Variants in FOCAD observed in about 807,000 individuals in gnomAD.
The protein encoded by FOCAD is KIAA1797.
FOCAD carries 198 observed loss-of-function variants against 225.6 expected under a neutral mutation model. The ratio of observed to expected loss-of-function variants is 0.88; its 90% CI spans 0.78 to 0.99. The LOEUF is 0.99. FOCAD is among the 50% of genes least tolerant of loss of function. FOCAD has a pLI of 0.00. For missense variants in FOCAD, 2,713 were observed against 2,123.6 expected (o/e 1.28, Z -5.46); for synonymous variants, 897 against 755.0 (o/e 1.19, Z -3.08).
rs955644585 is a variant in FOCAD, at chr9:20,764,356, C to T, written c.495-513C>T. 4.6e-5 allele frequency among the ~76,000 whole-genome samples: 7 copies of T among 152,102 alleles called. No homozygotes were observed. The East Asian group carries it at 9.6e-4, about 21-fold the overall frequency. ...GCAACCTCTGCCTCCTGGGTTCAGG[C>T]GATTCTCCTGCCTCAGCCTCCTGAG... On this transcript the variant is annotated intron_variant, in intron 6 of 43. Coordinates refer to ENST00000338382, the MANE Select transcript of FOCAD (RefSeq NM_001375567.1).
At chr9:20,831,908 A>G (rs1272418108) in intron 15 of FOCAD, among the ~76,000 whole-genome samples, 1 of 152,098 alleles carries the variant, frequency 6.6e-6, no homozygotes, top group Non-Finnish European at 1.5e-5. Flanking sequence ...TTCCGTCTGC[A>G]TAGATATACC....
At chr9:20,786,343 A>G (rs2131149545) in intron 10 of FOCAD, among the ~76,000 whole-genome samples, 1 of 152,282 alleles carries the variant, frequency 6.6e-6, no homozygotes, top group East Asian at 1.9e-4. Flanking sequence ...TGCTTCTATC[A>G]TCATCTTCTG....
At chr9:20,676,544 C>G (rs1822243254) in intron 2 of FOCAD, among the ~76,000 whole-genome samples, 1 of 152,182 alleles carries the variant, frequency 6.6e-6, no homozygotes, top group African/African-American at 2.4e-5. Flanking sequence ...AAAACTAATG[C>G]TGTTTCAATC....
intron 4 of FOCAD, among the ~76,000 whole-genome samples, chr9:20,727,057 T>C (rs1033227929): frequency 3.0e-4 from 45 of 152,182 alleles, no homozygotes; most frequent in African/African-American, 1.1e-3. Flanking sequence ...TTATGGCTTA[T>C]TTAACTTTTA....
intron 6 of FOCAD, among the ~76,000 whole-genome samples, chr9:20,762,946 G>A (rs954691942): frequency 4.6e-5 from 7 of 152,106 alleles, no homozygotes; most frequent in Non-Finnish European, 7.3e-5. Context: ...CGTTTCTTCC[G>A]TGAAGCAATT....
chr9:20,980,386 G>A (rs1199504905), intron 37 of FOCAD, among the ~76,000 whole-genome samples: 1 of 152,032 alleles, frequency 6.6e-6, no homozygotes, highest in African/African-American at 2.4e-5. Flanking sequence ...TTTCCAGCCT[G>A]TTGGGTTGGC....
chr9:20,736,342 C>A (rs901591523), intron 4 of FOCAD, among the ~76,000 whole-genome samples: 1 of 152,102 alleles, frequency 6.6e-6, no homozygotes, highest in Admixed American at 6.6e-5. Context: ...TTGACTTTTG[C>A]TTCTCCAGTG....
chr9:20,677,020 G>A (rs1822255397), intron 2 of FOCAD, among the ~76,000 whole-genome samples: 1 of 152,192 alleles, frequency 6.6e-6, no homozygotes, highest in African/African-American at 2.4e-5. Context: ...AAAACAGTAT[G>A]GTACTGGCAT....
Position 20,988,445 on chromosome 9 carries a change from G to A in FOCAD, c.5004+16G>A. ...TCTTGACAAGGTAAAATCTAGAGGAGTAGTTTATAGCTTCCTTAAAATACA... is the reference window on the plus strand; with the variant it reads ...TCTTGACAAGGTAAAATCTAGAGGAATAGTTTATAGCTTCCTTAAAATACA... On this transcript the variant is annotated intron_variant, in intron 41 of 43. Coordinates refer to ENST00000338382, the MANE Select transcript of FOCAD (RefSeq NM_001375567.1). 1 of 1,328,112 alleles carries A rather than the reference G, an allele frequency of 7.5e-7. No homozygotes were observed. Among genetic ancestry groups the A allele is most frequent in the Non-Finnish European group, 1.0e-6 (1 of 954,064 alleles). 82.3% of individuals were successfully genotyped at this position (1,328,112 alleles called of 1,614,324 possible).
intron 22 of FOCAD, among the ~76,000 whole-genome samples, chr9:20,909,267 A>T (rs1053569812): frequency 1.3e-5 from 2 of 152,072 alleles, no homozygotes; most frequent in African/African-American, 4.8e-5. Context: ...TATTAACCCC[A>T]TGTATAATGG....
chr9:20,806,745 G>A (rs1353984645), intron 11 of FOCAD, among the ~76,000 whole-genome samples: 1 of 151,988 alleles, frequency 6.6e-6, no homozygotes, highest in Non-Finnish European at 1.5e-5. Flanking sequence ...TAGCTATTAG[G>A]TTTATTAATA....
intron 2 of FOCAD, among the ~76,000 whole-genome samples, chr9:20,673,499 G>T (rs1563868232): frequency 6.6e-6 from 1 of 151,910 alleles, no homozygotes. Context: ...TTCTCCTGGG[G>T]GTTATGATAT....
At chr9:20,885,821 A>G in intron 21 of FOCAD, among the ~76,000 whole-genome samples, 1 of 152,302 alleles carries the variant, frequency 6.6e-6, no homozygotes, top group East Asian at 1.9e-4. Flanking sequence ...TAAATATTTT[A>G]TCACACTTAC....
chr9:20,688,729 G>A (rs1165623287), intron 1 of FOCAD, among the ~76,000 whole-genome samples: 4 of 152,210 alleles, frequency 2.6e-5, no homozygotes, highest in Admixed American at 2.6e-4. Context: ...GACAGTGGAT[G>A]TCTAGAAGAT....
intron 26 of FOCAD, among the ~76,000 whole-genome samples, chr9:20,927,445 G>T (rs1214647329): frequency 2.6e-5 from 4 of 151,974 alleles, no homozygotes; most frequent in African/African-American, 7.2e-5. Flanking sequence ...TAAAAAGATT[G>T]TGAAGATCAA....
Position 20,866,917 on chromosome 9 carries a change from T to TTTTAAAAAAAAAAGA in FOCAD, c.2107-12_2107-11insTTTAAAAAAAAAAGA. The TTTTAAAAAAAAAAGA allele has an allele frequency of 1.3e-6, 1 of 764,972 alleles. No homozygotes were observed. The highest frequency in any genetic ancestry group is 2.0e-6 in the Non-Finnish European group (1 of 498,468). 47.4% of individuals were successfully genotyped at this position (764,972 alleles called of 1,614,324 possible). On this transcript the variant is annotated splice_polypyrimidine_tract_variant and intron_variant, in intron 17 of 43. Transcript: ENST00000338382. ...TTTTTTTTTTTTTTTTTTTTTTTTT[T>TTTTAAAAAAAAAAGA]ACCCTATCTAGGACCCAATTGTAGC... is the stretch of plus-strand genomic sequence containing the variant.
At chr9:20,906,827 G>T (rs1305125209) in intron 21 of FOCAD, among the ~76,000 whole-genome samples, 2 of 152,010 alleles carry the variant, frequency 1.3e-5, no homozygotes, top group Non-Finnish European at 2.9e-5. Context: ...CCTGACATTG[G>T]CAAGAGGCCT....
intron 6 of FOCAD, among the ~76,000 whole-genome samples, chr9:20,760,223 G>T (rs1332383478): frequency 6.6e-6 from 1 of 152,206 alleles, no homozygotes; most frequent in Non-Finnish European, 1.5e-5. Context: ...TGCACTTGCA[G>T]TGCATGGGCT....
chr9:20,861,410 G>T (rs1301743425), intron 15 of FOCAD, among the ~76,000 whole-genome samples: 1 of 152,108 alleles, frequency 6.6e-6, no homozygotes, highest in Non-Finnish European at 1.5e-5. Flanking sequence ...GTGTAAATGT[G>T]CCTACTGTCA....
Sources: gnomAD v4.1 joint callset for allele counts (sites outside exome capture counted in the v4.1 genomes callset) on GRCh38, gnomAD v4.1.1 for gene constraint, MANE v1.5 for transcripts, NCBI Gene and HGNC (gene_info 2026-07-23, HGNC 2026-07-21) for gene names.